Variants in MTPN observed in about 807,000 individuals in gnomAD.
MTPN encodes myotrophin.
Under a neutral mutation model 13.5 loss-of-function variants are expected in MTPN, and 2 were observed. The observed-to-expected ratio is 0.15, with a 90% CI of 0.06 to 0.47. MTPN has a LOEUF of 0.47. Among genes scored for constraint, MTPN ranks in the 20% least tolerant of loss-of-function variants. The probability of loss-of-function intolerance (pLI) is 0.97; values close to 1 mark genes in which losing one functional copy is unlikely to be tolerated. For synonymous variants in MTPN, 46 were observed against 51.7 expected, an observed-to-expected ratio of 0.89 and a Z score of 0.48; for missense variants, 79 against 137.9, an observed-to-expected ratio of 0.57 and a Z score of 2.14.
intron 3 of MTPN, among the ~76,000 whole-genome samples, chr7:135,942,792 T>C (rs1373237): frequency 0.086 from 13,095 of 152,252 alleles, 634 homozygotes; most frequent in African/African-American, 0.11. Context: ...CCAGAGTTAT[T>C]AAGCAGAACT....
rs549360021 is a variant in MTPN at position 135,945,543 on chromosome 7, A to G, written c.270+5056T>C. On this transcript the variant is annotated intron_variant, in intron 3 of 3. Coordinates refer to ENST00000393085, the MANE Select transcript of MTPN (RefSeq NM_145808.4). ...CAAACACGAGCCTAGACCTAGACCT[A>G]CACAGGGTCAGGATCATCAATATCA... 2.0e-5 allele frequency among the ~76,000 whole-genome samples: 3 copies of G among 152,298 alleles called. No individual in the cohort carries two copies. The East Asian group carries it at 5.8e-4, about 29-fold the overall frequency.
chr7:135,952,657 A>G (rs759693915), intron 1 of MTPN, among the ~76,000 whole-genome samples: 5 of 152,120 alleles, frequency 3.3e-5, no homozygotes, highest in South Asian at 2.1e-4. Context: ...TTTACTGAGG[A>G]GCAAAACATC....
intron 3 of MTPN, among the ~76,000 whole-genome samples, chr7:135,937,314 A>G (rs969104306): frequency 6.6e-6 from 1 of 152,062 alleles, no homozygotes; most frequent in African/African-American, 2.4e-5. Context: ...TACAAATAAA[A>G]TCAGGCAAAA....
chr7:135,965,994 C>CCCA lies in MTPN; in HGVS notation c.72+11032_72+11034dup, dbSNP rs570670587. Among the ~76,000 whole-genome samples the CCCA allele has an allele frequency of 8.0e-4, 122 of 152,084 alleles. 1 individual carries two copies. Among genetic ancestry groups the CCCA allele is most frequent in the African/African-American group, 2.8e-3 (115 of 41,490 alleles). ...AAAGATAATTGCTACCTTCAAAAAACCCACAGAATATTAGGTGAGATAAAT... is the reference window on the plus strand; with the variant it reads ...AAAGATAATTGCTACCTTCAAAAAACCCACCACAGAATATTAGGTGAGATAAAT... On this transcript the variant is annotated intron_variant, in intron 1 of 3. Transcript: ENST00000393085.
Position 135,929,756 on chromosome 7 carries a change from A to G in MTPN, c.*170T>C, listed in dbSNP as rs1435039969. The G allele has an allele frequency of 9.0e-6, 6 of 665,352 alleles. No homozygotes were observed. The highest frequency in any genetic ancestry group is 7.8e-5 in the South Asian group (4 of 51,440). 41.2% of individuals were successfully genotyped at this position (665,352 alleles called of 1,614,324 possible). On this transcript the variant is annotated 3_prime_UTR_variant, in exon 4 of 4. Coordinates refer to ENST00000393085, the MANE Select transcript of MTPN (RefSeq NM_145808.4). ...CATGGTTCCTTTTGCCCCTCCTCCA[A>G]AACAATTTTTTTTTTCTGGTAGTCG... is the stretch of plus-strand genomic sequence containing the variant.
intron 1 of MTPN, among the ~76,000 whole-genome samples, chr7:135,972,757 C>T (rs62489154): frequency 0.041 from 6,273 of 152,040 alleles, 179 homozygotes; most frequent in Non-Finnish European, 0.063. Flanking sequence ...CCCTCACTGC[C>T]CTTAAAATAT....
chr7:135,972,231 G>GCGCGCGCACACACACACACACA (rs779296906), intron 1 of MTPN, among the ~76,000 whole-genome samples: 25 of 124,698 alleles, frequency 2.0e-4, no homozygotes, highest in African/African-American at 6.6e-4. Flanking sequence ...GCACGCGCGC[G>GCGCGCGCACACACACACACACA]CACACACACA....
At chr7:135,931,343 G>A (rs887029824) in intron 3 of MTPN, among the ~76,000 whole-genome samples, 2 of 152,144 alleles carry the variant, frequency 1.3e-5, no homozygotes, top group East Asian at 1.9e-4. Context: ...GCAGGAGGGC[G>A]TTTTAAGGGA....
At position 135,945,423 on chromosome 7, in the gene MTPN, C is replaced by T. The variant is rs890886019; in HGVS notation, c.270+5176G>A. 2.6e-5 allele frequency among the ~76,000 whole-genome samples: 4 copies of T among 152,246 alleles called. No homozygotes were observed. In the South Asian group the frequency reaches 6.2e-4, roughly 24 times the overall value. On this transcript the variant is annotated intron_variant, in intron 3 of 3. Transcript: ENST00000393085. The stretch of plus-strand genomic sequence containing the variant: ...CTTAAAACACAAGTACACTGCACAG[C>T]TGTAGAAAAATATTTTCTTTTATAT...
Position 135,977,147 on chromosome 7 carries a change from G to A in MTPN, c.-47C>T, listed in dbSNP as rs1038961766. The stretch of plus-strand genomic sequence containing the variant: ...TTGGCCGGGCAGAAGATGAGGAGGC[G>A]GTGGCAGCAGCAAGCGGATGCCGCC... On this transcript the variant is annotated 5_prime_UTR_variant, in exon 1 of 4. Transcript: ENST00000393085. The A allele has an allele frequency of 1.9e-6, 3 of 1,597,758 alleles. No homozygotes were observed. The highest frequency in any genetic ancestry group is 2.2e-5 in the South Asian group (2 of 90,734).
At chr7:135,937,590 AT>A (rs1217584322) in intron 3 of MTPN, among the ~76,000 whole-genome samples, 2 of 152,226 alleles carry the variant, frequency 1.3e-5, no homozygotes, top group East Asian at 3.8e-4. Flanking sequence ...TTATCTATAG[AT>A]TACTTATAAT....
chr7:135,941,143 G>T (rs1799203040), intron 3 of MTPN, among the ~76,000 whole-genome samples: 1 of 152,176 alleles, frequency 6.6e-6, no homozygotes, highest in African/African-American at 2.4e-5. Context: ...TAGGGCATTA[G>T]GGAGAATCAG....
At chr7:135,933,570 G>C (rs1799063314) in intron 3 of MTPN, among the ~76,000 whole-genome samples, 1 of 152,118 alleles carries the variant, frequency 6.6e-6, no homozygotes, top group Non-Finnish European at 1.5e-5. Flanking sequence ...TTAAGTAAGT[G>C]ATGTTCAAAT....
intron 1 of MTPN, among the ~76,000 whole-genome samples, chr7:135,956,229 AT>A (rs1429708582): frequency 6.6e-6 from 1 of 152,212 alleles, no homozygotes; most frequent in Non-Finnish European, 1.5e-5. Flanking sequence ...ATAGTGCTCT[AT>A]ATAGTTCCTT....
intron 1 of MTPN, among the ~76,000 whole-genome samples, chr7:135,960,268 T>A (rs1256980912): frequency 6.6e-6 from 1 of 152,118 alleles, no homozygotes; most frequent in Non-Finnish European, 1.5e-5. Flanking sequence ...CAAGCTACCA[T>A]GAAGAGATAA....
chr7:135,961,001 T>A (rs754860280), intron 1 of MTPN, among the ~76,000 whole-genome samples: 1 of 151,940 alleles, frequency 6.6e-6, no homozygotes, highest in Non-Finnish European at 1.5e-5. Flanking sequence ...AAGTGACATA[T>A]AGCAAGGAAA....
chr7:135,931,155 C>CAAATT, intron 3 of MTPN, among the ~76,000 whole-genome samples: 1 of 152,188 alleles, frequency 6.6e-6, no homozygotes, highest in African/African-American at 2.4e-5. Flanking sequence ...ATTCACTCAA[C>CAAATT]AAATATTTAC....
At chr7:135,968,877 T>C (rs74642484) in intron 1 of MTPN, among the ~76,000 whole-genome samples, 12,033 of 151,988 alleles carry the variant, frequency 0.079, 542 homozygotes, top group Admixed American at 0.1. Flanking sequence ...GAGAGGGAGA[T>C]ACTAAAACCT....
intron 3 of MTPN, among the ~76,000 whole-genome samples, chr7:135,942,210 T>TGGTA (rs1799225546): frequency 6.6e-6 from 1 of 152,056 alleles, no homozygotes. Context: ...ACTTAAAAGG[T>TGGTA]GGTACATCCT....
Sources: gnomAD v4.1 joint callset for allele counts (sites outside exome capture counted in the v4.1 genomes callset) on GRCh38, gnomAD v4.1.1 for gene constraint, MANE v1.5 for transcripts, NCBI Gene and HGNC (gene_info 2026-07-23, HGNC 2026-07-21) for gene names.